TYW1: variants seen among roughly 807,000 people sequenced by gnomAD.
The protein encoded by TYW1 is tRNA-yW synthesizing protein 1 homolog.
In TYW1, 46 loss-of-function variants were observed where a neutral mutation model predicts 96.2. That is an observed-to-expected ratio of 0.48 (90% CI 0.38 to 0.61). TYW1 has a LOEUF of 0.61. TYW1 is among the 20% of genes least tolerant of loss of function. The pLI is 0.00. For missense variants in TYW1, 684 were observed against 909.6 expected, an observed-to-expected ratio of 0.75 and a Z score of 3.19; for synonymous variants, 274 against 323.0, an observed-to-expected ratio of 0.85 and a Z score of 1.63.
At chr7:67,133,880 T>C (rs1456539376) in intron 13 of TYW1, among the ~76,000 whole-genome samples, 2 of 151,654 alleles carry the variant, frequency 1.3e-5, no homozygotes, top group South Asian at 2.1e-4. Context: ...TATGTTGATA[T>C]GGTTTGTTTT....
chr7:67,143,319 G>A (rs984368793), intron 13 of TYW1, among the ~76,000 whole-genome samples: 7 of 152,204 alleles, frequency 4.6e-5, no homozygotes, highest in African/African-American at 1.2e-4. Flanking sequence ...TACAAGGAGC[G>A]TGAGGAGAGA....
chr7:67,033,137 T>C (rs1158332674), intron 7 of TYW1, among the ~76,000 whole-genome samples: 1 of 152,006 alleles, frequency 6.6e-6, no homozygotes, highest in Non-Finnish European at 1.5e-5. Context: ...CCTCAGGCGA[T>C]CCTCCTGCCT....
rs146540503 is a variant in TYW1, at chr7:67,109,001, C to T, written c.1563-8482C>T. On this transcript the variant is annotated intron_variant, in intron 12 of 15. Transcript: ENST00000359626. The stretch of plus-strand genomic sequence containing the variant: ...GAAAATATACTGATGAGGCCGGGTG[C>T]GGTGGCTCACGCCTGTAATCCCAGC... Among the ~76,000 whole-genome samples, 277 of 152,028 alleles carry T rather than the reference C, an allele frequency of 1.8e-3. 3 individuals carry two copies. The East Asian group carries it at 0.045, about 25-fold the overall frequency.
intron 10 of TYW1, among the ~76,000 whole-genome samples, chr7:67,077,641 A>G (rs1356154881): frequency 6.6e-6 from 1 of 151,956 alleles, no homozygotes; most frequent in Admixed American, 6.5e-5. Context: ...TCTGGATATT[A>G]ATCCCTTGTT....
intron 15 of TYW1, among the ~76,000 whole-genome samples, chr7:67,216,548 A>T (rs576471896): frequency 1.4e-5 from 2 of 146,300 alleles, no homozygotes; most frequent in Non-Finnish European, 3.0e-5. Flanking sequence ...ATTTTTGCTT[A>T]TTTCTCTTGT....
chr7:67,105,980 C>T (rs1797227847), intron 12 of TYW1, among the ~76,000 whole-genome samples: 1 of 147,886 alleles, frequency 6.8e-6, no homozygotes, highest in African/African-American at 2.5e-5. Flanking sequence ...TCACCACAAC[C>T]TCCACTTCCC....
intron 13 of TYW1, among the ~76,000 whole-genome samples, chr7:67,156,806 T>G (rs1434038841): frequency 6.6e-6 from 1 of 151,288 alleles, no homozygotes; most frequent in Non-Finnish European, 1.5e-5. Flanking sequence ...CTGGTGTGAG[T>G]GGGACCCAGT....
At chr7:67,153,097 A>G (rs1798854613) in intron 13 of TYW1, among the ~76,000 whole-genome samples, 1 of 152,204 alleles carries the variant, frequency 6.6e-6, no homozygotes, top group Non-Finnish European at 1.5e-5. Flanking sequence ...TGATGTTTAT[A>G]TTAGGTTTCT....
chr7:67,180,971 G>C (rs11763378), intron 13 of TYW1, among the ~76,000 whole-genome samples: 42,547 of 151,636 alleles, frequency 0.28, 6,432 homozygotes, highest in African/African-American at 0.4. Context: ...AGTAAGAGTA[G>C]TGTTGACTAT....
chr7:67,030,228 A>G (rs573528792), intron 7 of TYW1, among the ~76,000 whole-genome samples: 1 of 152,290 alleles, frequency 6.6e-6, no homozygotes, highest in East Asian at 1.9e-4. Context: ...CTAAATTCTA[A>G]TCCTCTAATC....
At chr7:67,188,517 C>T (rs181517867) in intron 14 of TYW1, among the ~76,000 whole-genome samples, 8 of 152,028 alleles carry the variant, frequency 5.3e-5, no homozygotes, top group African/African-American at 1.7e-4. Context: ...ACTCTTGGAG[C>T]GGGAAGAAAA....
intron 15 of TYW1, among the ~76,000 whole-genome samples, chr7:67,204,471 C>A (rs1800705102): frequency 2.0e-5 from 3 of 151,186 alleles, no homozygotes; most frequent in Admixed American, 2.0e-4. Flanking sequence ...TTCCTCCCTC[C>A]CTTCCTTCCT....
intron 15 of TYW1, among the ~76,000 whole-genome samples, chr7:67,230,670 T>TTTTTTTTTTTTTTG (rs58396277): frequency 6.9e-6 from 1 of 145,482 alleles, no homozygotes; most frequent in African/African-American, 2.5e-5. Flanking sequence ...TTTTTTTTTT[T>TTTTTTTTTTTTTTG]GAGGCGGAGT....
chr7:67,070,339 C>T (rs916212588), intron 10 of TYW1, among the ~76,000 whole-genome samples: 1 of 152,124 alleles, frequency 6.6e-6, no homozygotes, highest in Non-Finnish European at 1.5e-5. Context: ...CTTCTTATCT[C>T]CTTCTGGAAC....
chr7:67,213,616 TCACCTA>T (rs1801113726), intron 15 of TYW1, among the ~76,000 whole-genome samples: 2 of 152,314 alleles, frequency 1.3e-5, no homozygotes, highest in South Asian at 4.2e-4. Context: ...ACATTCAAGG[TCACCTA>T]GATTTCCTCC....
intron 14 of TYW1, among the ~76,000 whole-genome samples, chr7:67,187,375 T>C (rs1211803917): frequency 6.6e-6 from 1 of 152,100 alleles, no homozygotes; most frequent in Non-Finnish European, 1.5e-5. Context: ...AAAATAAATA[T>C]TTTGATGATA....
intron 14 of TYW1, among the ~76,000 whole-genome samples, chr7:67,186,267 C>CCCG (rs1800016090): frequency 1.7e-5 from 1 of 60,362 alleles, no homozygotes; most frequent in Non-Finnish European, 2.9e-5. Context: ...TCCTTTCTTC[C>CCCG]CCCCCGCCCC....
intron 7 of TYW1, among the ~76,000 whole-genome samples, chr7:67,027,688 T>C (rs1794496772): frequency 6.6e-6 from 1 of 152,126 alleles, no homozygotes; most frequent in South Asian, 2.1e-4. Flanking sequence ...TCCAGCACTT[T>C]GGGAGGTCGA....
chr7:67,104,654 G>C (rs1797185227), intron 12 of TYW1, among the ~76,000 whole-genome samples: 1 of 152,158 alleles, frequency 6.6e-6, no homozygotes, highest in Non-Finnish European at 1.5e-5. Flanking sequence ...GGAGAGCCAG[G>C]TATTTGTTGT....
Sources: gnomAD v4.1 joint callset for allele counts (sites outside exome capture counted in the v4.1 genomes callset) on GRCh38, gnomAD v4.1.1 for gene constraint, MANE v1.5 for transcripts, NCBI Gene and HGNC (gene_info 2026-07-23, HGNC 2026-07-21) for gene names.